Variants in ACTL10 observed in about 807,000 individuals in gnomAD.
The protein encoded by ACTL10 is actin-like protein 10.
For missense variants in ACTL10, 413 were observed against 359.4 expected (o/e 1.15, Z -1.21); for synonymous variants, 180 against 169.9 (o/e 1.06, Z -0.46).
rs549006668 is a variant in ACTL10, at chr20:33,667,996, G to A, written c.499G>A (p.Gly167Ser). The A allele has an allele frequency of 2.7e-5, 42 of 1,546,394 alleles. No homozygotes were observed. Among genetic ancestry groups the A allele is most frequent in the Middle Eastern group, 2.0e-4 (1 of 5,048 alleles). ...CCTGGCAGACACCGTGGTGCTAGCC[G>A]GCGGCTCCACACTGTTTCCTGGCTT... ...TRLADTVVLA[G>S]GSTLFPGFAE... The change falls in exon 1 of 1, where the codon GGC becomes AGC. Residue 167 changes from glycine to serine, a missense_variant. Transcript: ENST00000677665.
rs73261831 is a variant in ACTL10 at position 33,668,249 on chromosome 20, G to T, written c.*14G>T. 8.5e-4 allele frequency: 1,301 copies of T among 1,526,336 alleles called. 10 individuals are homozygous for T. In the African/African-American group the frequency reaches 0.015, roughly 17 times the overall value. The allele number at this position is 1,526,336 out of a possible 1,614,324, so 94.5% of individuals were successfully genotyped here. On this transcript the variant is annotated 3_prime_UTR_variant, in exon 1 of 1. Coordinates refer to ENST00000677665, the MANE Select transcript of ACTL10 (RefSeq NM_001024675.2). ...GTGTTCAACTGAGTCAGGCTGGACT[G>T]GGGGGGGTGGCACTGCGTTGGGGGA...
Position 33,667,502 on chromosome 20 carries a change from C to T in ACTL10, c.5C>T (p.Ala2Val). The T allele has an allele frequency of 1.3e-6, 2 of 1,514,758 alleles. No homozygotes were observed. The highest frequency in any genetic ancestry group is 2.4e-5 in the East Asian group (1 of 41,448). 93.8% of individuals were successfully genotyped at this position (1,514,758 alleles called of 1,614,324 possible). The change falls in exon 1 of 1, where the codon GCT (alanine) becomes GTT (valine). Residue 2 changes from alanine (A) to valine (V), a missense_variant. Physicochemically the swap from Ala to Val is moderately conservative, Grantham distance 64. Transcript: ENST00000677665. MASTALLALCST... is the reference protein window; with the variant it reads MVSTALLALCST... ...CTGGCAGTGCCCGCGTGCCACATGG[C>T]TAGCACCGCGTTGCTGGCGCTCTGC... is the stretch of plus-strand genomic sequence containing the variant.
rs370919410 is a variant in ACTL10, at chr20:33,668,221, G to C, written c.724G>C (p.Asp242His). ...GGAGTGTGGCTCCAGGCTGCTGTAC[G>C]ATGTGTTCAACTGAGTCAGGCTGGA... The part of the protein sequence containing the change: ...YQECGSRLLY[D>H]VFN The change falls in exon 1 of 1, where the codon GAT (aspartate) becomes CAT (histidine). Residue 242 changes from aspartate (D) to histidine (H), a missense_variant. Transcript: ENST00000677665. The C allele has an allele frequency of 8.8e-6, 14 of 1,595,736 alleles. No individual in the cohort carries two copies. The highest frequency in any genetic ancestry group is 1.7e-5 in the Admixed American group (1 of 58,062).
Position 33,668,254 on chromosome 20 carries a change from G to T in ACTL10, c.*19G>T, listed in dbSNP as rs1386327513. 4.5e-6 allele frequency: 7 copies of T among 1,558,886 alleles called. No homozygotes were observed. Among genetic ancestry groups the T allele is most frequent in the Non-Finnish European group, 6.1e-6 (7 of 1,150,352 alleles). On this transcript the variant is annotated 3_prime_UTR_variant, in exon 1 of 1. Coordinates refer to ENST00000677665, the MANE Select transcript of ACTL10 (RefSeq NM_001024675.2). ...CAACTGAGTCAGGCTGGACTGGGGG[G>T]GGTGGCACTGCGTTGGGGGACAGCT...
In ACTL10 at chr20:33,667,505, G is replaced by C; in HGVS notation, c.8G>C (p.Ser3Thr). Reference sequence around the variant, plus strand: ...GCAGTGCCCGCGTGCCACATGGCTAGCACCGCGTTGCTGGCGCTCTGCTCC... The same window carrying C: ...GCAGTGCCCGCGTGCCACATGGCTACCACCGCGTTGCTGGCGCTCTGCTCC... Reference protein sequence around the residue: MASTALLALCSTG... With the variant: MATTALLALCSTG... Residue 3 changes from serine to threonine, a missense_variant, in exon 1 of 1, where the codon AGC becomes ACC. By Grantham distance (58) the Ser-to-Thr change is moderately conservative. Transcript: ENST00000677665. 6.6e-7 allele frequency: 1 copy of C among 1,516,720 alleles called. No individual in the cohort carries two copies. Among genetic ancestry groups the C allele is most frequent in the Non-Finnish European group, 8.8e-7 (1 of 1,133,650 alleles). The allele number at this position is 1,516,720 out of a possible 1,614,324, so 94.0% of individuals were successfully genotyped here.
Position 33,668,452 on chromosome 20 carries a change from T to C in ACTL10, c.*217T>C, listed in dbSNP as rs2017749830. The C allele has an allele frequency of 3.4e-6, 2 of 581,782 alleles. No individual in the cohort carries two copies. The highest frequency in any genetic ancestry group is 6.4e-5 in the East Asian group (2 of 31,112). 36.0% of individuals were successfully genotyped at this position (581,782 alleles called of 1,614,324 possible). ...CCCCAACCACTGCCAGTTCAGAGAA[T>C]GCCAGTCCAGCTGCCTACCCACAGG... is the stretch of plus-strand genomic sequence containing the variant. On this transcript the variant is annotated 3_prime_UTR_variant, in exon 1 of 1. Coordinates refer to ENST00000677665, the MANE Select transcript of ACTL10 (RefSeq NM_001024675.2).
rs760108136 is a variant in ACTL10, at chr20:33,668,107, G to C, written c.610G>C (p.Gly204Arg). ...ALRPHLVAKH[G>R]RGMAVWTGGS... ...GCGGCCCCACCTGGTGGCCAAGCAT[G>C]GGCGTGGCATGGCTGTGTGGACCGG... Residue 204 changes from glycine (G) to arginine (R), a missense_variant, in exon 1 of 1, where the codon GGG (glycine) becomes CGG (arginine). By Grantham distance (125) the Gly-to-Arg change is moderately radical. Coordinates refer to ENST00000677665, the MANE Select transcript of ACTL10 (RefSeq NM_001024675.2). 5.6e-6 allele frequency: 9 copies of C among 1,608,036 alleles called. No individual in the cohort carries two copies. The East Asian group carries it at 2.0e-4, about 36-fold the overall frequency.
chr20:33,668,172 C>A lies in ACTL10; in HGVS notation c.675C>A (p.Arg225=). ...CCTCCCTGCACTCCTTCCAGCGCCGCTGGATAACTCGGGCCATGTACCAGG... is the reference window on the plus strand; with the variant it reads ...CCTCCCTGCACTCCTTCCAGCGCCGATGGATAACTCGGGCCATGTACCAGG... The part of the protein sequence containing the change: ...MVASLHSFQR[R]WITRAMYQEC... Residue 225 remains arginine, a synonymous_variant, in exon 1 of 1, where the codon CGC becomes CGA. Transcript: ENST00000677665. 6.2e-7 allele frequency: 1 copy of A among 1,612,070 alleles called. No individual in the cohort carries two copies. The highest frequency in any genetic ancestry group is 2.2e-5 in the East Asian group (1 of 44,866).
At position 33,668,285 on chromosome 20, in the gene ACTL10, TCTAA is replaced by T; in HGVS notation, c.*51_*54del. ...CACTGCGTTGGGGGACAGCTCTCTA[TCTAA>T]AGAGTCAAGTGTTTGGAGCTGGCAG... is the stretch of plus-strand genomic sequence containing the variant. On this transcript the variant is annotated 3_prime_UTR_variant, in exon 1 of 1. Coordinates refer to ENST00000677665, the MANE Select transcript of ACTL10 (RefSeq NM_001024675.2). 1 of 1,534,464 alleles carries T rather than the reference TCTAA, an allele frequency of 6.5e-7. No homozygotes were observed. The highest frequency in any genetic ancestry group is 1.3e-5 in the South Asian group (1 of 79,806).
chr20:33,667,995 C>T lies in ACTL10; in HGVS notation c.498C>T (p.Ala166=), dbSNP rs926239417. 8 of 1,546,514 alleles carry T rather than the reference C, an allele frequency of 5.2e-6. No individual in the cohort carries two copies. The highest frequency in any genetic ancestry group is 5.2e-6 in the Non-Finnish European group (6 of 1,145,092). Residue 166 remains alanine (A), a synonymous_variant, in exon 1 of 1, where the codon GCC becomes GCT. Coordinates refer to ENST00000677665, the MANE Select transcript of ACTL10 (RefSeq NM_001024675.2). The part of the protein sequence containing the change: ...RTRLADTVVL[A]GGSTLFPGFA... ...GCCTGGCAGACACCGTGGTGCTAGC[C>T]GGCGGCTCCACACTGTTTCCTGGCT...
Position 33,668,412 on chromosome 20 carries a change from C to T in ACTL10, c.*177C>T, listed in dbSNP as rs1204891629. The stretch of plus-strand genomic sequence containing the variant: ...GGACCCATGGGACCCTCATTTTGAA[C>T]TGCAGTTTGAATCTCCCCAACCACT... On this transcript the variant is annotated 3_prime_UTR_variant, in exon 1 of 1. Transcript: ENST00000677665. 5 of 860,772 alleles carry T rather than the reference C, an allele frequency of 5.8e-6. No individual in the cohort carries two copies. The East Asian group carries it at 1.2e-4, about 20-fold the overall frequency. The allele number at this position is 860,772 out of a possible 1,614,324, so 53.3% of individuals were successfully genotyped here.
chr20:33,668,055 G>C lies in ACTL10; in HGVS notation c.558G>C (p.Gln186His), dbSNP rs1327514022. The change falls in exon 1 of 1, where the codon CAG (glutamine) becomes CAC (histidine). Residue 186 changes from glutamine to histidine, a missense_variant. Physicochemically the swap from Gln to His is conservative, Grantham distance 24. Coordinates refer to ENST00000677665, the MANE Select transcript of ACTL10 (RefSeq NM_001024675.2). ...GCCTGGACAAGGAGCTGGAGGCGCA[G>C]TGCCGGCGGCACGGCTACGCGGCCC... ...AERLDKELEA[Q>H]CRRHGYAALR... The C allele has an allele frequency of 1.9e-6, 3 of 1,563,320 alleles. No individual in the cohort carries two copies. In the African/African-American group the frequency reaches 4.1e-5, roughly 21 times the overall value.
rs3746459 is a variant in ACTL10, at chr20:33,667,427, T to A, written c.-71T>A. The A allele has an allele frequency of 7.1e-7, 1 of 1,408,048 alleles. No homozygotes were observed. The highest frequency in any genetic ancestry group is 3.1e-5 in the Admixed American group (1 of 32,116). 87.2% of individuals were successfully genotyped at this position (1,408,048 alleles called of 1,614,324 possible). On this transcript the variant is annotated 5_prime_UTR_variant, in exon 1 of 1. Coordinates refer to ENST00000677665, the MANE Select transcript of ACTL10 (RefSeq NM_001024675.2). The stretch of plus-strand genomic sequence containing the variant: ...CCCGTGCTGGTGAGCGACTCGCCGT[T>A]GGCGCCGCCCGCGGGCCGCGAAAGG...
rs2017723185 is a variant in ACTL10, at chr20:33,667,849, A to C, written c.352A>C (p.Ser118Arg). ...VGNGCCVCLS[S>R]ERFRCPEPIF... ...TAACGGGTGCTGCGTCTGCCTCAGC[A>C]GTGAGCGCTTCCGCTGCCCCGAACC... is the stretch of plus-strand genomic sequence containing the variant. Residue 118 changes from serine (S) to arginine (R), a missense_variant, in exon 1 of 1, where the codon AGT (serine) becomes CGT (arginine). Physicochemically the swap from Ser to Arg is moderately radical, Grantham distance 110. Coordinates refer to ENST00000677665, the MANE Select transcript of ACTL10 (RefSeq NM_001024675.2). 1 of 1,608,868 alleles carries C rather than the reference A, an allele frequency of 6.2e-7. No individual in the cohort carries two copies. The highest frequency in any genetic ancestry group is 1.1e-5 in the South Asian group (1 of 90,700).
At position 33,668,006 on chromosome 20, in the gene ACTL10, C is replaced by G. The variant is rs1397407960; in HGVS notation, c.509C>G (p.Thr170Arg). Reference sequence around the variant, plus strand: ...ACCGTGGTGCTAGCCGGCGGCTCCACACTGTTTCCTGGCTTCGCCGAGCGC... The same window carrying G: ...ACCGTGGTGCTAGCCGGCGGCTCCAGACTGTTTCCTGGCTTCGCCGAGCGC... ...ADTVVLAGGSTLFPGFAERLD... is the reference protein window; with the variant it reads ...ADTVVLAGGSRLFPGFAERLD... The change falls in exon 1 of 1, where the codon ACA becomes AGA. Residue 170 changes from threonine to arginine, a missense_variant. Thr to Arg is a moderately conservative substitution (Grantham distance 71). Coordinates refer to ENST00000677665, the MANE Select transcript of ACTL10 (RefSeq NM_001024675.2). 1 of 1,543,848 alleles carries G rather than the reference C, an allele frequency of 6.5e-7. No individual in the cohort carries two copies. Among genetic ancestry groups the G allele is most frequent in the Non-Finnish European group, 8.7e-7 (1 of 1,143,102 alleles).
In ACTL10 at chr20:33,668,357, T is replaced by C; in HGVS notation, c.*122T>C. The C allele has an allele frequency of 1.5e-6, 2 of 1,367,616 alleles. No homozygotes were observed. Among genetic ancestry groups the C allele is most frequent in the South Asian group, 3.5e-5 (2 of 57,254 alleles). 84.7% of individuals were successfully genotyped at this position (1,367,616 alleles called of 1,614,324 possible). On this transcript the variant is annotated 3_prime_UTR_variant, in exon 1 of 1. Coordinates refer to ENST00000677665, the MANE Select transcript of ACTL10 (RefSeq NM_001024675.2). ...GAGCTGACTGGATGGGTCACCCCCA[T>C]ACCCTTTCTGGGCCAGGAGAAGGTA... is the stretch of plus-strand genomic sequence containing the variant.
rs2017738338 is a variant in ACTL10, at chr20:33,668,133, CGGCTCCATGGT to C, written c.640_650del (p.Ser214LeufsTer?). On this transcript the variant is annotated frameshift_variant, in exon 1 of 1. Coordinates refer to ENST00000677665, the MANE Select transcript of ACTL10 (RefSeq NM_001024675.2). LOFTEE classifies it high-confidence loss of function. ...GGCGTGGCATGGCTGTGTGGACCGG[CGGCTCCATGGT>C]GGCCTCCCTGCACTCCTTCCAGCGC... is the stretch of plus-strand genomic sequence containing the variant. The C allele has an allele frequency of 6.2e-7, 1 of 1,611,196 alleles. No homozygotes were observed. The highest frequency in any genetic ancestry group is 8.5e-7 in the Non-Finnish European group (1 of 1,179,272).
chr20:33,668,025 C>G lies in ACTL10; in HGVS notation c.528C>G (p.Ala176=), dbSNP rs1216237282. Residue 176 remains alanine (A), a synonymous_variant, in exon 1 of 1, where the codon GCC becomes GCG. Coordinates refer to ENST00000677665, the MANE Select transcript of ACTL10 (RefSeq NM_001024675.2). ...GCTCCACACTGTTTCCTGGCTTCGCCGAGCGCCTGGACAAGGAGCTGGAGG... is the reference window on the plus strand; with the variant it reads ...GCTCCACACTGTTTCCTGGCTTCGCGGAGCGCCTGGACAAGGAGCTGGAGG... ...AGGSTLFPGF[A]ERLDKELEAQ... 1.3e-6 allele frequency: 2 copies of G among 1,543,652 alleles called. No homozygotes were observed. Among genetic ancestry groups the G allele is most frequent in the East Asian group, 2.4e-5 (1 of 40,874 alleles).
In ACTL10 at chr20:33,667,538, C is replaced by A. The variant is rs775794908; in HGVS notation, c.41C>A (p.Ala14Glu). 6.5e-7 allele frequency: 1 copy of A among 1,543,430 alleles called. No individual in the cohort carries two copies. The highest frequency in any genetic ancestry group is 8.7e-7 in the Non-Finnish European group (1 of 1,145,500). ...TTGCTGGCGCTCTGCTCCACCGGCGCGTTCAGCGGGCTGGCCGTGGAGGCG... is the reference window on the plus strand; with the variant it reads ...TTGCTGGCGCTCTGCTCCACCGGCGAGTTCAGCGGGCTGGCCGTGGAGGCG... ...TALLALCSTG[A>E]FSGLAVEAGA... The change falls in exon 1 of 1, where the codon GCG (alanine) becomes GAG (glutamate). Residue 14 changes from alanine (A) to glutamate (E), a missense_variant. Coordinates refer to ENST00000677665, the MANE Select transcript of ACTL10 (RefSeq NM_001024675.2).
Sources: gnomAD v4.1 joint callset for allele counts on GRCh38, gnomAD v4.1.1 for gene constraint, MANE v1.5 for transcripts, NCBI Gene and HGNC (gene_info 2026-07-23, HGNC 2026-07-21) for gene names.